The following RPS6KA1 variants were observed in gnomAD, a reference collection of about 807,000 sequenced individuals.
RPS6KA1 encodes ribosomal protein S6 kinase A1.
A neutral mutation model predicts 91.3 loss-of-function variants in RPS6KA1; 48 were observed. The observed-to-expected ratio is 0.53, with a 90% confidence interval of 0.42 to 0.67. RPS6KA1 has a LOEUF of 0.67. Among genes scored for constraint, RPS6KA1 ranks in the 30% least tolerant of loss-of-function variants. The pLI is 0.00. For missense variants in RPS6KA1, 719 were observed against 960.5 expected (o/e 0.75, Z 3.32); for synonymous variants, 359 against 384.7 (o/e 0.93, Z 0.78).
intron 13 of RPS6KA1, among the ~76,000 whole-genome samples, chr1:26,557,786 CCCCTCCCCTCCCCTCCCCTCCCCTT>C (rs2076116355): frequency 1.8e-5 from 2 of 108,418 alleles, no homozygotes; most frequent in Non-Finnish European, 3.8e-5. Context: ...CTCCTCCCCT[CCCCTCCCCTCCCCTCCCCTCCCCTT>C]CCCTCTCCTT....
At chr1:26,532,256 G>T (rs1369663299) in intron 1 of RPS6KA1, among the ~76,000 whole-genome samples, 1 of 152,162 alleles carries the variant, frequency 6.6e-6, no homozygotes, top group Non-Finnish European at 1.5e-5. Flanking sequence ...GCCCAGTTCT[G>T]CCACGTACAG....
At chr1:26,532,168 G>A (rs190525928) in intron 1 of RPS6KA1, among the ~76,000 whole-genome samples, 69 of 152,178 alleles carry the variant, frequency 4.5e-4, no homozygotes, top group Non-Finnish European at 6.8e-4. Context: ...CCCAGGTGGA[G>A]TAATCTATGG....
intron 17 of RPS6KA1, among the ~76,000 whole-genome samples, chr1:26,566,478 G>A (rs973117151): frequency 2.0e-5 from 3 of 151,678 alleles, no homozygotes; most frequent in Non-Finnish European, 2.9e-5. Flanking sequence ...GTAGAGACAG[G>A]GTTTCACCAT....
In RPS6KA1 at chr1:26,571,324, G is replaced by A. The variant is rs777521917; in HGVS notation, c.1591-125G>A. 5.4e-4 allele frequency: 456 copies of A among 841,064 alleles called. 1 individual carries two copies. The highest frequency in any genetic ancestry group is 7.7e-4 in the Non-Finnish European group (408 of 527,324). The allele number at this position is 841,064 out of a possible 1,614,324, so 52.1% of individuals were successfully genotyped here. On this transcript the variant is annotated intron_variant, in intron 17 of 21. Transcript: ENST00000374168. The surrounding 1 kb of genome is among the most constrained non-coding windows in gnomAD (Gnocchi z 5.1). ...CATTTCAGCCCCTTCCCCTTCTCTC[G>A]GATGCCAAGTCCATGCACCCGTCCC... is the stretch of plus-strand genomic sequence containing the variant.
intron 14 of RPS6KA1, among the ~76,000 whole-genome samples, chr1:26,559,766 C>T (rs2076138607): frequency 6.6e-6 from 1 of 152,108 alleles, no homozygotes; most frequent in African/African-American, 2.4e-5. Flanking sequence ...CTCCATAGAG[C>T]TGTTATGAGG....
intron 2 of RPS6KA1, among the ~76,000 whole-genome samples, chr1:26,546,475 T>C (rs148218201): frequency 1.1e-3 from 162 of 152,282 alleles, no homozygotes; most frequent in African/African-American, 3.6e-3. Context: ...AAGGCCCAGC[T>C]CTACCTCCCC....
intron 17 of RPS6KA1, among the ~76,000 whole-genome samples, chr1:26,562,599 A>G (rs1345618310): frequency 1.3e-5 from 2 of 152,182 alleles, no homozygotes; most frequent in Non-Finnish European, 2.9e-5. Flanking sequence ...TGAGCACTAG[A>G]TGACGGTGAG....
chr1:26,559,449 C>T (rs2076134789), intron 14 of RPS6KA1, among the ~76,000 whole-genome samples: 1 of 152,082 alleles, frequency 6.6e-6, no homozygotes, highest in African/African-American at 2.4e-5. Flanking sequence ...TCACTACAGC[C>T]TCCACCTCCC....
chr1:26,544,591 C>T (rs1490710822), intron 2 of RPS6KA1, among the ~76,000 whole-genome samples: 1 of 152,112 alleles, frequency 6.6e-6, no homozygotes, highest in African/African-American at 2.4e-5. Context: ...TCTCCTGCCT[C>T]AGCTTCCCAA....
chr1:26,551,470 G>A lies in RPS6KA1; in HGVS notation c.381G>A (p.Leu127=). 6.2e-7 allele frequency: 1 copy of A among 1,613,938 alleles called. No individual in the cohort carries two copies. The highest frequency in any genetic ancestry group is 2.2e-5 in the East Asian group (1 of 44,876). The change falls in exon 5 of 22, where the codon CTG becomes CTA. Residue 127 remains leucine (L), a synonymous_variant. Transcript: ENST00000374168. The surrounding 1 kb of genome is among the most constrained non-coding windows in gnomAD (Gnocchi z 4.5). ...ADVNHPFVVK[L]HYAFQTEGKL... is the part of the protein sequence containing the mutation. ...TAAATCACCCATTCGTGGTGAAGCTGCACTATGGTAAAGCTTCTGGCCCTG... is the reference window on the plus strand; with the variant it reads ...TAAATCACCCATTCGTGGTGAAGCTACACTATGGTAAAGCTTCTGGCCCTG...
chr1:26,572,825 C>T (rs2076261223), intron 20 of RPS6KA1, among the ~76,000 whole-genome samples: 1 of 152,176 alleles, frequency 6.6e-6, no homozygotes, highest in Admixed American at 6.5e-5. Context: ...ACCTGTGAGG[C>T]AGGGAGTGGT....
chr1:26,571,915 A>G lies in RPS6KA1; in HGVS notation c.1819A>G (p.Met607Val). ...GAGCCTGGGCATTCTGCTGTACACCATGCTGGCAGGGTGAGTGCCCCTGGC... is the reference window on the plus strand; with the variant it reads ...GAGCCTGGGCATTCTGCTGTACACCGTGCTGGCAGGGTGAGTGCCCCTGGC... ...IWSLGILLYT[M>V]LAGYTPFANG... Residue 607 changes from methionine to valine, a missense_variant, in exon 19 of 22, where the codon ATG (methionine) becomes GTG (valine). Physicochemically the swap from Met to Val is conservative, Grantham distance 21. Coordinates refer to ENST00000374168, the MANE Select transcript of RPS6KA1 (RefSeq NM_002953.4). This position sits in a 1 kb window ranked among gnomAD's most constrained non-coding sequence, Gnocchi z 5.1. The G allele has an allele frequency of 2.5e-6, 4 of 1,611,738 alleles. No individual in the cohort carries two copies. The highest frequency in any genetic ancestry group is 1.1e-5 in the South Asian group (1 of 91,074).
At chr1:26,562,460 G>C (rs2076161790) in intron 17 of RPS6KA1, among the ~76,000 whole-genome samples, 1 of 152,168 alleles carries the variant, frequency 6.6e-6, no homozygotes, top group Non-Finnish European at 1.5e-5. Context: ...AGGTGAATTT[G>C]ACTGGGTTCA....
At chr1:26,556,301 A>T (rs1434894397) in intron 11 of RPS6KA1, 1 of 343,528 alleles carries the variant, frequency 2.9e-6, no homozygotes, top group Non-Finnish European at 5.5e-6. Context: ...CAATGGGATA[A>T]GAGGAACAGA....
In RPS6KA1 at chr1:26,572,200, C is replaced by G. The variant is rs1400867144; in HGVS notation, c.1854C>G (p.Pro618=). 6.2e-7 allele frequency: 1 copy of G among 1,614,034 alleles called. No individual in the cohort carries two copies. The highest frequency in any genetic ancestry group is 8.5e-7 in the Non-Finnish European group (1 of 1,179,984). Residue 618 remains proline, a synonymous_variant, in exon 20 of 22, where the codon CCC becomes CCG. Transcript: ENST00000374168. The stretch of plus-strand genomic sequence containing the variant: ...GATATACTCCATTTGCCAACGGTCC[C>G]AGTGACACACCAGAGGAAATCCTAA... ...LAGYTPFANG[P]SDTPEEILTR... is the part of the protein sequence containing the mutation.
At chr1:26,564,995 G>A (rs1265685679) in intron 17 of RPS6KA1, among the ~76,000 whole-genome samples, 3 of 152,222 alleles carry the variant, frequency 2.0e-5, no homozygotes, top group Non-Finnish European at 1.5e-5. Flanking sequence ...TCTGAAGAGG[G>A]GAGCTGCCTC....
rs542731563 is a variant in RPS6KA1, at chr1:26,547,810, A to G, written c.307+540A>G. ...GTTGGTAGTGGGCTTTGGGTTGGAT[A>G]CTGACCACTTGGCCTGGGAACCAGT... On this transcript the variant is annotated intron_variant, in intron 4 of 21. Transcript: ENST00000374168. This position sits in a 1 kb window ranked among gnomAD's most constrained non-coding sequence, Gnocchi z 4.1. 9.2e-5 allele frequency among the ~76,000 whole-genome samples: 14 copies of G among 152,308 alleles called. No individual in the cohort carries two copies. In the East Asian group the frequency reaches 2.7e-3, roughly 29 times the overall value.
rs559733751 is a variant in RPS6KA1, at chr1:26,574,130, C to G, written c.2137C>G (p.Gln713Glu). ...ACTCAACAGCTCCAAGCCCACCCCC[C>G]AGCTGAAGCCCATCGAGTCATCCAT... ...SALNSSKPTP[Q>E]LKPIESSILA... Residue 713 changes from glutamine (Q) to glutamate (E), a missense_variant, in exon 22 of 22, where the codon CAG (glutamine) becomes GAG (glutamate). Physicochemically the swap from Gln to Glu is conservative, Grantham distance 29. Around this residue, in one of 5 missense-constraint regions of RPS6KA1, gnomAD observed 249 missense variants for 323.1 expected, o/e 0.77. Coordinates refer to ENST00000374168, the MANE Select transcript of RPS6KA1 (RefSeq NM_002953.4). This position sits in a 1 kb window ranked among gnomAD's most constrained non-coding sequence, Gnocchi z 4.3. The G allele has an allele frequency of 3.0e-5, 49 of 1,614,174 alleles. No homozygotes were observed. In the South Asian group the frequency reaches 4.4e-4, roughly 14 times the overall value.
intron 11 of RPS6KA1, 152 bp from the exon 12 acceptor site, chr1:26,556,502 G>A: frequency 1.4e-6 from 1 of 736,984 alleles, no homozygotes; most frequent in South Asian, 1.6e-5. Context: ...CAGGCCTTAG[G>A]GTGATGGCTG....
Sources: allele counts gnomAD v4.1 joint callset (sites outside exome capture counted in the v4.1 genomes callset), GRCh38; gene constraint gnomAD v4.1.1; regional missense constraint gnomAD v4.1.1; non-coding constraint Gnocchi (gnomAD v3.1); transcripts MANE v1.5; gene names NCBI Gene and HGNC (gene_info 2026-07-23, HGNC 2026-07-21).